The following EXOC6B variants were observed in gnomAD, a reference collection of about 807,000 sequenced individuals.
EXOC6B encodes the protein SEC15 homolog B.
Under a neutral mutation model 113.5 loss-of-function variants are expected in EXOC6B, and 54 were observed. The observed-to-expected ratio is 0.48, with a 90% CI of 0.38 to 0.60. The LOEUF is 0.60. EXOC6B is among the 20% of genes least tolerant of loss of function. EXOC6B has a pLI of 0.00. For missense variants in EXOC6B, 797 were observed against 977.5 expected, an observed-to-expected ratio of 0.82 and a Z score of 2.46; for synonymous variants, 357 against 339.0, an observed-to-expected ratio of 1.05 and a Z score of -0.58.
intron 7 of EXOC6B, among the ~76,000 whole-genome samples, chr2:72,568,944 C>T (rs1472242260): frequency 2.7e-5 from 4 of 150,192 alleles, no homozygotes; most frequent in Non-Finnish European, 4.4e-5. Flanking sequence ...TAACAGGGCA[C>T]TTACACTATC....
At chr2:72,766,224 C>A (rs1182036316) in intron 1 of EXOC6B, among the ~76,000 whole-genome samples, 8 of 152,190 alleles carry the variant, frequency 5.3e-5, no homozygotes, top group Middle Eastern at 3.2e-3. Flanking sequence ...AAGCTGAACC[C>A]TAGATTTAGC....
intron 20 of EXOC6B, among the ~76,000 whole-genome samples, chr2:72,292,501 C>G (rs1685861399): frequency 6.9e-6 from 1 of 145,676 alleles, no homozygotes; most frequent in African/African-American, 2.6e-5. Flanking sequence ...AGATACAGAC[C>G]CTGTTTGATT....
intron 6 of EXOC6B, among the ~76,000 whole-genome samples, chr2:72,625,184 G>C (rs1671980458): frequency 6.6e-6 from 1 of 151,118 alleles, no homozygotes; most frequent in African/African-American, 2.4e-5. Context: ...CCAAACTGCT[G>C]GGATTACAGG....
chr2:72,353,229 T>C (rs993062370), intron 19 of EXOC6B, among the ~76,000 whole-genome samples: 1 of 152,108 alleles, frequency 6.6e-6, no homozygotes, highest in African/African-American at 2.4e-5. Flanking sequence ...AGGTCTCTGG[T>C]TTGGAATGAT....
chr2:72,367,595 G>A (rs1018568098), intron 19 of EXOC6B, among the ~76,000 whole-genome samples: 3 of 151,612 alleles, frequency 2.0e-5, no homozygotes, highest in Non-Finnish European at 4.4e-5. Context: ...GAGCAATCAC[G>A]CTACCTAGAT....
intron 18 of EXOC6B, among the ~76,000 whole-genome samples, chr2:72,409,700 C>T (rs1229610377): frequency 7.0e-6 from 1 of 143,746 alleles, no homozygotes; most frequent in Admixed American, 7.3e-5. Context: ...GGGAACATCA[C>T]ACACCGGGGC....
At chr2:72,247,982 G>A (rs777318863) in intron 20 of EXOC6B, among the ~76,000 whole-genome samples, 3 of 152,114 alleles carry the variant, frequency 2.0e-5, no homozygotes, top group African/African-American at 2.4e-5. Flanking sequence ...TGTCCCTGAG[G>A]AGGCTTTCAC....
intron 1 of EXOC6B, among the ~76,000 whole-genome samples, chr2:72,811,004 G>A (rs1057233974): frequency 2.0e-5 from 3 of 151,866 alleles, no homozygotes; most frequent in Admixed American, 6.6e-5. Context: ...TCACATCACC[G>A]CACTCTAGTC....
chr2:72,819,435 T>C lies in EXOC6B; in HGVS notation c.113+6363A>G, dbSNP rs552063256. Among the ~76,000 whole-genome samples the C allele has an allele frequency of 1.1e-4, 16 of 152,304 alleles. No individual in the cohort carries two copies. In the South Asian group the frequency reaches 3.3e-3, roughly 32 times the overall value. ...ATGGGAATGTTCTTCCCCTCAGTGATTGTCAAGGACGGAGTATATCACAAT... is the reference window on the plus strand; with the variant it reads ...ATGGGAATGTTCTTCCCCTCAGTGACTGTCAAGGACGGAGTATATCACAAT... On this transcript the variant is annotated intron_variant, in intron 1 of 21. Coordinates refer to ENST00000272427, the MANE Select transcript of EXOC6B (RefSeq NM_015189.3).
intron 1 of EXOC6B, among the ~76,000 whole-genome samples, chr2:72,820,553 C>T (rs979214610): frequency 2.0e-5 from 3 of 152,150 alleles, no homozygotes; most frequent in African/African-American, 7.2e-5. Context: ...GAAAAACTTT[C>T]GCTGAAAACT....
chr2:72,249,518 A>G (rs1001864815), intron 20 of EXOC6B, among the ~76,000 whole-genome samples: 2 of 152,168 alleles, frequency 1.3e-5, no homozygotes, highest in African/African-American at 4.8e-5. Context: ...AAAAGGAGGT[A>G]AACAGTTTCT....
rs11685050 is a variant in EXOC6B at position 72,631,461 on chromosome 2, T to G, written c.670-55793A>C. On this transcript the variant is annotated intron_variant, in intron 6 of 21. Transcript: ENST00000272427. ...ATATATATATATATATATATATATA[T>G]AGAGAGAGAGAGAGAGAGAGAGAGA... Among the ~76,000 whole-genome samples the G allele has an allele frequency of 8.3e-3, 81 of 9,706 alleles. 2 individuals carry two copies. The highest frequency in any genetic ancestry group is 0.015 in the South Asian group (3 of 196). 6.4% of individuals were successfully genotyped at this position (9,706 alleles called of 152,430 possible). A position where few individuals can be genotyped will look rare whatever the true frequency, so the allele number is the denominator to read the frequency against.
chr2:72,367,410 G>T (rs1690696874), intron 19 of EXOC6B, among the ~76,000 whole-genome samples: 1 of 152,110 alleles, frequency 6.6e-6, no homozygotes, highest in African/African-American at 2.4e-5. Flanking sequence ...CAAGATGGTA[G>T]ATTTAAGCCC....
chr2:72,728,696 A>G (rs1680458680), intron 5 of EXOC6B, among the ~76,000 whole-genome samples: 1 of 152,182 alleles, frequency 6.6e-6, no homozygotes, highest in Non-Finnish European at 1.5e-5. Flanking sequence ...GCTAAGCCCA[A>G]AAGTGATACA....
intron 16 of EXOC6B, among the ~76,000 whole-genome samples, chr2:72,487,994 G>A (rs1558721759): frequency 2.0e-5 from 3 of 152,086 alleles, no homozygotes; most frequent in Admixed American, 2.0e-4. Context: ...ATCTATATTA[G>A]TTATTTGAAA....
At chr2:72,802,803 A>G (rs1685366233) in intron 1 of EXOC6B, among the ~76,000 whole-genome samples, 1 of 152,194 alleles carries the variant, frequency 6.6e-6, no homozygotes, top group Admixed American at 6.5e-5. Flanking sequence ...GTGGTTCTCA[A>G]AGTGTGGTAC....
chr2:72,536,410 ATTGT>A (rs1404216058), intron 8 of EXOC6B, among the ~76,000 whole-genome samples: 4 of 152,246 alleles, frequency 2.6e-5, no homozygotes, highest in South Asian at 2.1e-4. Flanking sequence ...ATATTTGAAT[ATTGT>A]TTGTTATTTA....
At chr2:72,687,051 T>G (rs1473525531) in intron 6 of EXOC6B, among the ~76,000 whole-genome samples, 1 of 151,804 alleles carries the variant, frequency 6.6e-6, no homozygotes, top group Non-Finnish European at 1.5e-5. Context: ...GGCAGGAGAA[T>G]TGCTTGAACC....
chr2:72,205,260 C>G (rs1679766916), intron 20 of EXOC6B, among the ~76,000 whole-genome samples: 1 of 151,802 alleles, frequency 6.6e-6, no homozygotes, highest in African/African-American at 2.4e-5. Context: ...TGGATAAAGA[C>G]TAGACCGTGT....
Sources: gnomAD v4.1 joint callset for allele counts (sites outside exome capture counted in the v4.1 genomes callset) on GRCh38, gnomAD v4.1.1 for gene constraint, MANE v1.5 for transcripts, NCBI Gene and HGNC (gene_info 2026-07-23, HGNC 2026-07-21) for gene names.